SDHB: variants seen among roughly 807,000 people sequenced by gnomAD.
The protein encoded by SDHB is succinate dehydrogenase [ubiquinone] iron-sulfur subunit, mitochondrial.
Under a neutral mutation model 39.7 loss-of-function variants are expected in SDHB, and 21 were observed. The observed-to-expected ratio is 0.53, with a 90% confidence interval of 0.37 to 0.76. The LOEUF (loss-of-function observed/expected upper bound fraction) is 0.76. Among genes scored for constraint, SDHB ranks in the 30% least tolerant of loss-of-function variants. The pLI is 0.00. For synonymous variants in SDHB, 118 were observed against 117.0 expected, an observed-to-expected ratio of 1.01 and a Z score of -0.06; for missense variants, 343 against 350.9, an observed-to-expected ratio of 0.98 and a Z score of 0.18.
rs2077945194 is a variant in SDHB, at chr1:17,018,801, G to C, written c.*80C>G. The C allele has an allele frequency of 9.9e-7, 1 of 1,006,988 alleles. No individual in the cohort carries two copies. The highest frequency in any genetic ancestry group is 1.7e-5 in the Admixed American group (1 of 57,500). The allele number at this position is 1,006,988 out of a possible 1,614,324, so 62.4% of individuals were successfully genotyped here. On this transcript the variant is annotated 3_prime_UTR_variant, in exon 8 of 8. Transcript: ENST00000375499. ...ACATGCTGTATTCATGGAAAACCAAGATCTTTAAAGGAACTCAAATTAGAT... is the reference window on the plus strand; with the variant it reads ...ACATGCTGTATTCATGGAAAACCAACATCTTTAAAGGAACTCAAATTAGAT...
Position 17,053,947 on chromosome 1 carries a change from C to G in SDHB, c.72+1G>C. 6.2e-7 allele frequency: 1 copy of G among 1,612,144 alleles called. No homozygotes were observed. The highest frequency in any genetic ancestry group is 8.5e-7 in the Non-Finnish European group (1 of 1,178,916). The stretch of plus-strand genomic sequence containing the variant: ...TCCCTCTCTGAGGCTCCAGGACTCA[C>G]CTGCAGGCAGGCTCCGCCAAGGGTT... On this transcript the variant is annotated splice_donor_variant, in intron 1 of 7. Coordinates refer to ENST00000375499, the MANE Select transcript of SDHB (RefSeq NM_003000.3). LOFTEE classifies it high-confidence loss of function.
chr1:17,033,397 C>T (rs959447652), intron 2 of SDHB, among the ~76,000 whole-genome samples: 5 of 152,222 alleles, frequency 3.3e-5, no homozygotes, highest in African/African-American at 1.2e-4. Context: ...ACAAGTATGA[C>T]ACAACTTCCA....
At chr1:17,032,739 A>G in intron 3 of SDHB, 1 of 402,302 alleles carries the variant, frequency 2.5e-6, no homozygotes, top group African/African-American at 2.0e-5. Flanking sequence ...CTGCTCCCTT[A>G]ATAAAAGAGC....
At chr1:17,026,895 A>G (rs2077994337) in intron 5 of SDHB, among the ~76,000 whole-genome samples, 1 of 152,200 alleles carries the variant, frequency 6.6e-6, no homozygotes, top group African/African-American at 2.4e-5. Flanking sequence ...CCTCCTGAGT[A>G]GCTGGGACTA....
chr1:17,028,514 C>T, intron 4 of SDHB, 86 bp downstream of exon 4: 1 of 1,435,870 alleles, frequency 7.0e-7, no homozygotes, highest in Admixed American at 1.7e-5. Context: ...TCAAACAAAT[C>T]CTGCCCTGAA....
rs200332257 is a variant in SDHB at position 17,029,288 on chromosome 1, TG to T, written c.287-553del. On this transcript the variant is annotated intron_variant, in intron 3 of 7. Transcript: ENST00000375499. ...ACCCAGCTAATTTTCTGGTATTTTTTGTAGAGACGAGACTTGCAGAGACAGG... is the reference window on the plus strand; with the variant it reads ...ACCCAGCTAATTTTCTGGTATTTTTTTAGAGACGAGACTTGCAGAGACAGG... Among the ~76,000 whole-genome samples the T allele has an allele frequency of 5.7e-3, 858 of 151,798 alleles. 5 individuals are homozygous for T. Among genetic ancestry groups the T allele is most frequent in the Middle Eastern group, 0.017 (5 of 294 alleles).
chr1:17,049,647 C>CTTTTTTTTTTTTTTTTTTTT lies in SDHB; in HGVS notation c.72+4281_72+4300dup, dbSNP rs397835910. Among the ~76,000 whole-genome samples the CTTTTTTTTTTTTTTTTTTTT allele has an allele frequency of 2.7e-4, 14 of 52,066 alleles. 3 individuals are homozygous for CTTTTTTTTTTTTTTTTTTTT. The highest frequency in any genetic ancestry group is 7.9e-4 in the African/African-American group (8 of 10,178). 34.2% of individuals were successfully genotyped at this position (52,066 alleles called of 152,430 possible). ...GGGACTGGAGCATAATCCCCTAGTT[C>CTTTTTTTTTTTTTTTTTTTT]TTTTTTTTTTTTTTTTTTTTTTTTT... On this transcript the variant is annotated intron_variant, in intron 1 of 7. Coordinates refer to ENST00000375499, the MANE Select transcript of SDHB (RefSeq NM_003000.3).
At chr1:17,041,628 C>T (rs1365945293) in intron 2 of SDHB, among the ~76,000 whole-genome samples, 1 of 151,990 alleles carries the variant, frequency 6.6e-6, no homozygotes, top group Non-Finnish European at 1.5e-5. Flanking sequence ...CACCACTGTA[C>T]TCCAGTCCAG....
chr1:17,019,494 C>T (rs2077949118), intron 7 of SDHB, among the ~76,000 whole-genome samples: 1 of 152,120 alleles, frequency 6.6e-6, no homozygotes, highest in Non-Finnish European at 1.5e-5. Flanking sequence ...CTGTTAACAT[C>T]TGCTTTGCAG....
At chr1:17,037,386 C>T (rs748641452) in intron 2 of SDHB, among the ~76,000 whole-genome samples, 1 of 151,262 alleles carries the variant, frequency 6.6e-6, no homozygotes, top group Admixed American at 6.6e-5. Context: ...ACTGCAGCCT[C>T]GACCTCCTGG....
chr1:17,026,364 CTCTTT>C (rs1350416369), intron 5 of SDHB, among the ~76,000 whole-genome samples: 1 of 146,542 alleles, frequency 6.8e-6, no homozygotes, highest in Non-Finnish European at 1.5e-5. Context: ...TCCCCTTTTT[CTCTTT>C]TCTTTTTTTC....
chr1:17,044,325 A>ATT (rs1234004492), intron 2 of SDHB, among the ~76,000 whole-genome samples: 9 of 141,062 alleles, frequency 6.4e-5, no homozygotes, highest in South Asian at 2.2e-4. Context: ...TAACAACCTC[A>ATT]TTTTTTTTTT....
intron 5 of SDHB, among the ~76,000 whole-genome samples, chr1:17,027,151 C>T (rs1243898988): frequency 1.3e-5 from 2 of 152,120 alleles, no homozygotes; most frequent in Non-Finnish European, 2.9e-5. Flanking sequence ...GACTTCTTCG[C>T]AGAGGAGTAG....
intron 3 of SDHB, among the ~76,000 whole-genome samples, chr1:17,029,112 T>G (rs1043376608): frequency 1.0e-4 from 15 of 145,282 alleles, no homozygotes; most frequent in African/African-American, 3.6e-4. Context: ...TTTTTTTTTT[T>G]TTTTTTTTTT....
intron 3 of SDHB, among the ~76,000 whole-genome samples, chr1:17,029,093 GTTTTT>G (rs746243819): frequency 2.2e-4 from 16 of 72,028 alleles, no homozygotes; most frequent in Non-Finnish European, 3.1e-4. Context: ...AAATCAGCCT[GTTTTT>G]TTTTTTTTTT....
At chr1:17,028,129 A>G (rs1331503511) in intron 4 of SDHB, among the ~76,000 whole-genome samples, 1 of 152,204 alleles carries the variant, frequency 6.6e-6, no homozygotes, top group East Asian at 1.9e-4. Context: ...CCTTGAAAAC[A>G]CCACGTCAGC....
chr1:17,043,746 G>A (rs10887993), intron 2 of SDHB, among the ~76,000 whole-genome samples: 64,003 of 152,018 alleles, frequency 0.42, 15,126 homozygotes, highest in Non-Finnish European at 0.54. Context: ...TGCTTTTGAC[G>A]ATGGAAGAAG....
chr1:17,021,959 G>C (rs895238497), intron 7 of SDHB, among the ~76,000 whole-genome samples: 1 of 152,204 alleles, frequency 6.6e-6, no homozygotes, highest in Non-Finnish European at 1.5e-5. Flanking sequence ...AAGGGCAGCC[G>C]GTCTGTAGCC....
rs768966871 is a variant in SDHB, at chr1:17,033,055, C to T, written c.286+5G>A. 2 of 1,610,488 alleles carry T rather than the reference C, an allele frequency of 1.2e-6. No homozygotes were observed. The highest frequency in any genetic ancestry group is 8.5e-7 in the Non-Finnish European group (1 of 1,176,720). On this transcript the variant is annotated splice_donor_5th_base_variant and intron_variant, in intron 3 of 7. Transcript: ENST00000375499. ...TCTGGAGCCCAACAGGAATGAAATG[C>T]TCACCTTCTCTGCATGATCTTCGGA... is the stretch of plus-strand genomic sequence containing the variant.
Sources: allele counts gnomAD v4.1 joint callset (sites outside exome capture counted in the v4.1 genomes callset), GRCh38; gene constraint gnomAD v4.1.1; transcripts MANE v1.5; gene names NCBI Gene and HGNC (gene_info 2026-07-23, HGNC 2026-07-21).